The following COL19A1 variants were observed in gnomAD, a reference collection of about 807,000 sequenced individuals.
The protein encoded by COL19A1 is collagen alpha-1(XIX) chain.
Under a neutral mutation model 190.2 loss-of-function variants are expected in COL19A1, and 159 were observed. That is an observed-to-expected ratio of 0.84 (90% CI 0.73 to 0.95). COL19A1 has a LOEUF of 0.95. Among genes scored for constraint, COL19A1 ranks in the 40% least tolerant of loss-of-function variants. The pLI, the probability that COL19A1 is intolerant of heterozygous loss-of-function variation, is 0.00. For synonymous variants in COL19A1, 509 were observed against 458.9 expected, an observed-to-expected ratio of 1.11 and a Z score of -1.39; for missense variants, 1,418 against 1,431.9, an observed-to-expected ratio of 0.99 and a Z score of 0.16.
intron 46 of COL19A1, among the ~76,000 whole-genome samples, chr6:70,187,131 C>G (rs939179860): frequency 6.6e-6 from 1 of 152,108 alleles, no homozygotes; most frequent in African/African-American, 2.4e-5. Flanking sequence ...CTGCCCACCT[C>G]GGCCTCCCAA....
chr6:70,150,034 C>T lies in COL19A1; in HGVS notation c.2026C>T (p.Pro676Ser), dbSNP rs1203422038. ...RDGKPGLPGP[P>S]GDPIALPLLG... Reference sequence around the variant, plus strand: ...TGGAAAGCCAGGCCTGCCAGGCCCCCCAGGTGACCCGGTATGTAGACAAAC... The same window carrying T: ...TGGAAAGCCAGGCCTGCCAGGCCCCTCAGGTGACCCGGTATGTAGACAAAC... Residue 676 changes from proline (P) to serine (S), a missense_variant, in exon 30 of 51, where the codon CCA becomes TCA. Coordinates refer to ENST00000620364, the MANE Select transcript of COL19A1 (RefSeq NM_001858.6). 6.2e-7 allele frequency: 1 copy of T among 1,613,722 alleles called. No homozygotes were observed. Among genetic ancestry groups the T allele is most frequent in the Non-Finnish European group, 8.5e-7 (1 of 1,179,786 alleles).
intron 12 of COL19A1, among the ~76,000 whole-genome samples, chr6:70,033,159 T>A (rs768735337): frequency 2.0e-5 from 3 of 152,200 alleles, no homozygotes; most frequent in South Asian, 4.1e-4. Flanking sequence ...ATGTTTTTCT[T>A]AAAGTATAAT....
At chr6:70,048,756 C>T (rs917683046) in intron 14 of COL19A1, among the ~76,000 whole-genome samples, 1 of 151,948 alleles carries the variant, frequency 6.6e-6, no homozygotes, top group Admixed American at 6.6e-5. Context: ...AGAGACCAAT[C>T]GTTTTTTAGT....
rs547510215 is a variant in COL19A1 at position 70,043,214 on chromosome 6, A to C, written c.1170+7275A>C. On this transcript the variant is annotated intron_variant, in intron 14 of 50. Coordinates refer to ENST00000620364, the MANE Select transcript of COL19A1 (RefSeq NM_001858.6). ...TCTTCTTTTTTTTTTTTTTTTGAGAAGGAGTCTCGCTCTGTCGCCCAGACT... is the reference window on the plus strand; with the variant it reads ...TCTTCTTTTTTTTTTTTTTTTGAGACGGAGTCTCGCTCTGTCGCCCAGACT... 8.7e-5 allele frequency among the ~76,000 whole-genome samples: 13 copies of C among 149,000 alleles called. No homozygotes were observed. In the East Asian group the frequency reaches 1.2e-3, roughly 13 times the overall value.
rs556558862 is a variant in COL19A1 at position 69,953,817 on chromosome 6, G to A, written c.937-6179G>A. On this transcript the variant is annotated intron_variant, in intron 9 of 50. Transcript: ENST00000620364. ...TTAATGTACTACCAGCTTCTAGCACGTAAATATTAAAATATTGCCATAAGA... is the reference window on the plus strand; with the variant it reads ...TTAATGTACTACCAGCTTCTAGCACATAAATATTAAAATATTGCCATAAGA... Among the ~76,000 whole-genome samples, 11 of 152,068 alleles carry A rather than the reference G, an allele frequency of 7.2e-5. No individual in the cohort carries two copies. In the South Asian group the frequency reaches 1.0e-3, roughly 14 times the overall value.
At chr6:69,921,337 T>TCATATATATC (rs1771784093) in intron 4 of COL19A1, among the ~76,000 whole-genome samples, 1 of 109,034 alleles carries the variant, frequency 9.2e-6, no homozygotes, top group African/African-American at 3.8e-5. Flanking sequence ...ATCATATATC[T>TCATATATATC]ATATATATCA....
chr6:70,192,456 T>TCC (rs1766933643), intron 48 of COL19A1, among the ~76,000 whole-genome samples: 1 of 150,698 alleles, frequency 6.6e-6, no homozygotes. Flanking sequence ...TCTCTTTCAT[T>TCC]CTTTCTTCTT....
At chr6:70,137,533 C>A in intron 18 of COL19A1, 152 bp from the exon 19 acceptor site, 1 of 664,314 alleles carries the variant, frequency 1.5e-6, no homozygotes, top group Non-Finnish European at 2.6e-6. Flanking sequence ...ATAAAAATAG[C>A]CTAAGTAGAT....
chr6:70,166,455 G>C (rs534864044), intron 37 of COL19A1, among the ~76,000 whole-genome samples: 25 of 152,226 alleles, frequency 1.6e-4, no homozygotes, highest in Non-Finnish European at 3.2e-4. Flanking sequence ...AAAAGTACAA[G>C]AGGCATCGAT....
At chr6:70,090,655 A>G (rs911711135) in intron 15 of COL19A1, among the ~76,000 whole-genome samples, 1 of 152,192 alleles carries the variant, frequency 6.6e-6, no homozygotes, top group Non-Finnish European at 1.5e-5. Context: ...CTTCTGTATT[A>G]AATGATGAAT....
chr6:69,938,121 G>A (rs775017429), intron 9 of COL19A1, 21 bp downstream of exon 9: 59 of 1,607,624 alleles, frequency 3.7e-5, no homozygotes, highest in Non-Finnish European at 4.8e-5. Context: ...AACAAATACT[G>A]ATGGAGAAAA....
At chr6:70,082,450 T>C (rs958288778) in intron 15 of COL19A1, among the ~76,000 whole-genome samples, 5 of 152,152 alleles carry the variant, frequency 3.3e-5, no homozygotes, top group African/African-American at 9.7e-5. Flanking sequence ...TCACTCTGTC[T>C]TCCCCAGGCT....
At chr6:70,180,424 G>C (rs759216032) in intron 43 of COL19A1, 37 bp from the exon 44 acceptor site, 5 of 1,614,010 alleles carry the variant, frequency 3.1e-6, no homozygotes, top group Admixed American at 3.3e-5. Flanking sequence ...TAAAACATTT[G>C]TTGGCAATTA....
rs1583175615 is a variant in COL19A1 at position 70,210,450 on chromosome 6, A to T, written c.*3176A>T. On this transcript the variant is annotated 3_prime_UTR_variant, in exon 51 of 51. Coordinates refer to ENST00000620364, the MANE Select transcript of COL19A1 (RefSeq NM_001858.6). ...TTCACTTTGTGAGCAAAGTAACCCCATAAGTTTATTTCCCTATTTCATGGT... is the reference window on the plus strand; with the variant it reads ...TTCACTTTGTGAGCAAAGTAACCCCTTAAGTTTATTTCCCTATTTCATGGT... Among the ~76,000 whole-genome samples, 1 of 152,194 alleles carries T rather than the reference A, an allele frequency of 6.6e-6. No homozygotes were observed. Among genetic ancestry groups the T allele is most frequent in the African/African-American group, 2.4e-5 (1 of 41,470 alleles).
At chr6:70,093,244 A>C (rs1049299250) in intron 15 of COL19A1, among the ~76,000 whole-genome samples, 1 of 152,228 alleles carries the variant, frequency 6.6e-6, no homozygotes, top group East Asian at 1.9e-4. Flanking sequence ...TGAACATCCA[A>C]ATATGGAGGA....
At chr6:70,118,605 A>G (rs1183659840) in intron 16 of COL19A1, among the ~76,000 whole-genome samples, 1 of 152,236 alleles carries the variant, frequency 6.6e-6, no homozygotes, top group African/African-American at 2.4e-5. Context: ...GTCATCATAA[A>G]TACTCATGAT....
At chr6:69,964,313 T>C (rs1481251948) in intron 11 of COL19A1, among the ~76,000 whole-genome samples, 1 of 152,174 alleles carries the variant, frequency 6.6e-6, no homozygotes, top group African/African-American at 2.4e-5. Flanking sequence ...GATGACTATT[T>C]TTAAGGTGAA....
At chr6:70,138,911 T>C (rs1786053433) in intron 19 of COL19A1, among the ~76,000 whole-genome samples, 1 of 152,070 alleles carries the variant, frequency 6.6e-6, no homozygotes, top group Non-Finnish European at 1.5e-5. Flanking sequence ...TGCATGCCCC[T>C]GGTACCTGCC....
chr6:70,185,884 A>T (rs2150292025), intron 46 of COL19A1, among the ~76,000 whole-genome samples: 1 of 152,330 alleles, frequency 6.6e-6, no homozygotes, highest in East Asian at 1.9e-4. Flanking sequence ...GAAAATACAG[A>T]TGATGTAAAT....
Sources: allele counts gnomAD v4.1 joint callset (sites outside exome capture counted in the v4.1 genomes callset), GRCh38; gene constraint gnomAD v4.1.1; transcripts MANE v1.5; gene names NCBI Gene and HGNC (gene_info 2026-07-23, HGNC 2026-07-21).